Variants in UQCC1 observed in about 807,000 individuals in gnomAD.
The protein encoded by UQCC1 is ubiquinol-cytochrome c reductase complex assembly factor 1.
UQCC1 carries 38 observed loss-of-function variants against 48.0 expected under a neutral mutation model. That is an observed-to-expected ratio of 0.79 (90% CI 0.61 to 1.04). The LOEUF (loss-of-function observed/expected upper bound fraction) is 1.04. Among genes scored for constraint, UQCC1 ranks in the 50% least tolerant of loss-of-function variants. The pLI is 0.00. For synonymous variants in UQCC1, 111 were observed against 129.2 expected, an observed-to-expected ratio of 0.86 and a Z score of 0.95; for missense variants, 368 against 381.8, an observed-to-expected ratio of 0.96 and a Z score of 0.30.
intron 1 of UQCC1, among the ~76,000 whole-genome samples, chr20:35,404,554 T>C (rs912074172): frequency 2.0e-5 from 3 of 151,692 alleles, no homozygotes; most frequent in African/African-American, 4.8e-5. Flanking sequence ...AAAAAAGAGA[T>C]ATACCTAATG....
chr20:35,326,951 G>A (rs977503527), intron 7 of UQCC1, among the ~76,000 whole-genome samples: 3 of 152,136 alleles, frequency 2.0e-5, no homozygotes, highest in African/African-American at 7.2e-5. Context: ...ACTGTCACTT[G>A]TCATGGATGC....
intron 2 of UQCC1, among the ~76,000 whole-genome samples, chr20:35,390,312 C>T (rs549505916): frequency 1.3e-5 from 2 of 151,920 alleles, no homozygotes; most frequent in Admixed American, 1.3e-4. Context: ...GTAATCCCAG[C>T]TACTCAGGAG....
chr20:35,394,667 A>T (rs1043565204), intron 1 of UQCC1, among the ~76,000 whole-genome samples: 1 of 152,018 alleles, frequency 6.6e-6, no homozygotes, highest in African/African-American at 2.4e-5. Context: ...TATACTCAAC[A>T]CTCCACTTCT....
chr20:35,366,021 AT>A (rs928501651), intron 6 of UQCC1, among the ~76,000 whole-genome samples: 2 of 151,920 alleles, frequency 1.3e-5, no homozygotes, highest in African/African-American at 4.8e-5. Flanking sequence ...TGAAAAATTG[AT>A]TTTTTTTGGC....
At chr20:35,341,592 C>T (rs755055280) in intron 7 of UQCC1, among the ~76,000 whole-genome samples, 12 of 152,166 alleles carry the variant, frequency 7.9e-5, no homozygotes, top group Admixed American at 2.0e-4. Context: ...CACAGGAATT[C>T]ACCTGGAAGA....
At chr20:35,407,769 T>A (rs1361640101) in intron 1 of UQCC1, among the ~76,000 whole-genome samples, 1 of 152,154 alleles carries the variant, frequency 6.6e-6, no homozygotes. Context: ...ACGCCTGTAA[T>A]CCCAGGATTT....
chr20:35,376,077 G>T (rs2061795789), intron 4 of UQCC1, among the ~76,000 whole-genome samples: 1 of 152,052 alleles, frequency 6.6e-6, no homozygotes, highest in Admixed American at 6.6e-5. Flanking sequence ...AGAGGCCAAG[G>T]CAGGAAGATC....
rs533117411 is a variant in UQCC1, at chr20:35,358,269, G to A, written c.464+8288C>T. ...CTCCGGAGGCTGAGGCAGGAGAATCGCTTGAACTTGGGAGGCAGAGGTAGC... is the reference window on the plus strand; with the variant it reads ...CTCCGGAGGCTGAGGCAGGAGAATCACTTGAACTTGGGAGGCAGAGGTAGC... On this transcript the variant is annotated intron_variant, in intron 6 of 9. Transcript: ENST00000374385. Among the ~76,000 whole-genome samples, 7 of 145,636 alleles carry A rather than the reference G, an allele frequency of 4.8e-5. No individual in the cohort carries two copies. The South Asian group carries it at 6.6e-4, about 14-fold the overall frequency.
At chr20:35,401,973 A>G (rs1490427498) in intron 1 of UQCC1, among the ~76,000 whole-genome samples, 1 of 152,066 alleles carries the variant, frequency 6.6e-6, no homozygotes, top group African/African-American at 2.4e-5. Context: ...AATCCACTTT[A>G]TAAGTCACCA....
At chr20:35,311,853 C>T (rs1303571405) in intron 8 of UQCC1, among the ~76,000 whole-genome samples, 1 of 152,178 alleles carries the variant, frequency 6.6e-6, no homozygotes, top group Non-Finnish European at 1.5e-5. Flanking sequence ...AAATTTCCTG[C>T]TCTTAAAAGT....
At chr20:35,359,103 A>T (rs932312532) in intron 6 of UQCC1, among the ~76,000 whole-genome samples, 5 of 152,190 alleles carry the variant, frequency 3.3e-5, no homozygotes, top group Admixed American at 1.3e-4. Flanking sequence ...AGGAATATCA[A>T]ATAATAAAGG....
chr20:35,309,433 A>G (rs1568645954), intron 8 of UQCC1, among the ~76,000 whole-genome samples: 1 of 150,484 alleles, frequency 6.6e-6, no homozygotes, highest in African/African-American at 2.5e-5. Flanking sequence ...ACCCTGTCTT[A>G]GGAAAAAAAA....
intron 1 of UQCC1, 117 bp downstream of exon 1, chr20:35,411,823 G>C: frequency 1.4e-6 from 2 of 1,415,722 alleles, no homozygotes; most frequent in Non-Finnish European, 2.0e-6. Context: ...CGGCCACTCA[G>C]CCTAGCTATA....
chr20:35,399,674 T>G lies in UQCC1; in HGVS notation c.25-5478A>C, dbSNP rs574650539. Reference sequence around the variant, plus strand: ...GAGTTCGAGACCAGCCTGGCCAACATGGCAAAACCCCATCTCTACTAAAAA... The same window carrying G: ...GAGTTCGAGACCAGCCTGGCCAACAGGGCAAAACCCCATCTCTACTAAAAA... On this transcript the variant is annotated intron_variant, in intron 1 of 9. Transcript: ENST00000374385. Among the ~76,000 whole-genome samples, 3 of 151,870 alleles carry G rather than the reference T, an allele frequency of 2.0e-5. No individual in the cohort carries two copies. The South Asian group carries it at 6.3e-4, about 32-fold the overall frequency.
intron 6 of UQCC1, among the ~76,000 whole-genome samples, chr20:35,361,591 ATTAAT>A (rs1211562428): frequency 2.6e-5 from 4 of 152,224 alleles, no homozygotes; most frequent in South Asian, 2.1e-4. Flanking sequence ...ATTAATTAAC[ATTAAT>A]TTAAGTATTT....
intron 2 of UQCC1, among the ~76,000 whole-genome samples, chr20:35,393,503 AACACACACACAC>A (rs3055772): frequency 4.1e-5 from 6 of 146,794 alleles, no homozygotes; most frequent in Admixed American, 1.4e-4. Context: ...AACACACACA[AACACACACACAC>A]ACACACACAC....
At chr20:35,406,127 G>C (rs2062247008) in intron 1 of UQCC1, among the ~76,000 whole-genome samples, 1 of 152,104 alleles carries the variant, frequency 6.6e-6, no homozygotes, top group South Asian at 2.1e-4. Flanking sequence ...CTCAGACTGT[G>C]GGACACCATC....
chr20:35,398,331 G>C (rs774894560), intron 1 of UQCC1, among the ~76,000 whole-genome samples: 19 of 152,110 alleles, frequency 1.2e-4, no homozygotes, highest in Non-Finnish European at 2.4e-4. Flanking sequence ...CAAAAATAAA[G>C]ACAAAATCCC....
At chr20:35,332,305 C>G (rs1450900470) in intron 7 of UQCC1, among the ~76,000 whole-genome samples, 2 of 152,214 alleles carry the variant, frequency 1.3e-5, no homozygotes, top group Non-Finnish European at 1.5e-5. Flanking sequence ...CAAAAGGGAA[C>G]AGAGCTCTCT....
Sources: gnomAD v4.1 joint callset for allele counts (sites outside exome capture counted in the v4.1 genomes callset) on GRCh38, gnomAD v4.1.1 for gene constraint, MANE v1.5 for transcripts, NCBI Gene and HGNC (gene_info 2026-07-23, HGNC 2026-07-21) for gene names.